The following GRIK3 variants were observed in gnomAD, a reference collection of about 807,000 sequenced individuals.
GRIK3 encodes glutamate ionotropic receptor kainate type subunit 3.
A neutral mutation model predicts 102.5 loss-of-function variants in GRIK3; 29 were observed. The ratio of observed to expected loss-of-function variants is 0.28; its 90% CI spans 0.21 to 0.39. GRIK3 has a LOEUF of 0.39. Among genes scored for constraint, GRIK3 ranks in the 10% least tolerant of loss-of-function variants. The pLI, the probability that GRIK3 is intolerant of heterozygous loss-of-function variation, is 1.00. For missense variants in GRIK3, 908 were observed against 1,252.4 expected, an observed-to-expected ratio of 0.73 and a Z score of 4.15; for synonymous variants, 511 against 504.9, an observed-to-expected ratio of 1.01 and a Z score of -0.16.
rs1557690962 is a variant in GRIK3 at position 36,817,067 on chromosome 1, A to G, written c.2084T>C (p.Phe695Ser). 1 of 1,610,744 alleles carries G rather than the reference A, an allele frequency of 6.2e-7. No individual in the cohort carries two copies. Among genetic ancestry groups the G allele is most frequent in the Non-Finnish European group, 8.5e-7 (1 of 1,176,950 alleles). ...GGAGGGAGAGGGCCTCACCTTGAAG[A>G]AGGTCATGGTGGCCCCATCCTTGAC... The part of the protein sequence containing the change: ...GAVKDGATMT[F>S]FKKSKISTFE... Residue 695 changes from phenylalanine to serine, a missense_variant, in exon 13 of 16, where the codon TTC becomes TCC. Phe to Ser is a radical substitution (Grantham distance 155). Around this residue, in one of 3 missense-constraint regions of GRIK3, gnomAD observed 297 missense variants for 362.7 expected, o/e 0.82. Transcript: ENST00000373091.
intron 1 of GRIK3, among the ~76,000 whole-genome samples, chr1:36,926,654 G>A (rs1641531211): frequency 6.6e-6 from 1 of 152,062 alleles, no homozygotes; most frequent in African/African-American, 2.4e-5. Context: ...CTCCCAAAGT[G>A]CTGGGATTAC....
intron 12 of GRIK3, among the ~76,000 whole-genome samples, chr1:36,818,116 T>A (rs921978971): frequency 1.3e-5 from 2 of 152,168 alleles, no homozygotes; most frequent in Non-Finnish European, 2.9e-5. Flanking sequence ...TGCTTTGATA[T>A]GATGTTTTTT....
intron 1 of GRIK3, among the ~76,000 whole-genome samples, chr1:36,976,400 A>C (rs1214732265): frequency 6.6e-6 from 1 of 152,196 alleles, no homozygotes; most frequent in East Asian, 1.9e-4. Context: ...TATCATTTTC[A>C]TCAGGTCTGA....
intron 1 of GRIK3, among the ~76,000 whole-genome samples, chr1:36,959,699 T>C (rs1378473298): frequency 9.3e-6 from 1 of 107,902 alleles, no homozygotes; most frequent in Non-Finnish European, 2.0e-5. Flanking sequence ...TCTGTGCCCC[T>C]TGAGCCTGTG....
chr1:36,932,017 C>G (rs1641596221), intron 1 of GRIK3, among the ~76,000 whole-genome samples: 2 of 152,176 alleles, frequency 1.3e-5, no homozygotes, highest in Admixed American at 1.3e-4. Context: ...TGACCTGAAG[C>G]TCACTGTGAC....
intron 1 of GRIK3, among the ~76,000 whole-genome samples, chr1:36,907,861 T>A (rs934030481): frequency 2.0e-5 from 3 of 152,092 alleles, no homozygotes; most frequent in Non-Finnish European, 2.9e-5. Flanking sequence ...GATTTGAATT[T>A]TGGTTCCACT....
At chr1:36,917,939 C>T (rs1365275170) in intron 1 of GRIK3, among the ~76,000 whole-genome samples, 5 of 152,198 alleles carry the variant, frequency 3.3e-5, no homozygotes, top group Non-Finnish European at 7.3e-5. Flanking sequence ...CACTCAGAAA[C>T]TCCAAGGAGG....
At chr1:36,885,268 G>A (rs1641025860) in intron 2 of GRIK3, among the ~76,000 whole-genome samples, 1 of 152,140 alleles carries the variant, frequency 6.6e-6, no homozygotes, top group African/African-American at 2.4e-5. Context: ...GATGAGAGAG[G>A]AGGTGATCAC....
At chr1:36,971,488 T>A (rs1642141148) in intron 1 of GRIK3, among the ~76,000 whole-genome samples, 1 of 152,176 alleles carries the variant, frequency 6.6e-6, no homozygotes, top group Admixed American at 6.5e-5. Context: ...CCCTTTTTAC[T>A]TAACACACTT....
chr1:37,025,650 G>A (rs1157594295), intron 1 of GRIK3, among the ~76,000 whole-genome samples: 2 of 152,184 alleles, frequency 1.3e-5, no homozygotes, highest in Non-Finnish European at 2.9e-5. Flanking sequence ...AGGCTTTGCA[G>A]AAGTCTCCCT....
At chr1:36,970,823 G>A (rs527286846) in intron 1 of GRIK3, among the ~76,000 whole-genome samples, 2 of 152,264 alleles carry the variant, frequency 1.3e-5, no homozygotes, top group South Asian at 4.1e-4. Flanking sequence ...ATTCCTCTTG[G>A]TTTTGTAATT....
At chr1:36,810,822 A>G (rs1642553083) in intron 13 of GRIK3, among the ~76,000 whole-genome samples, 1 of 152,220 alleles carries the variant, frequency 6.6e-6, no homozygotes, top group African/African-American at 2.4e-5. Context: ...TTTGGAGTCC[A>G]TGGCCTCTGC....
intron 1 of GRIK3, among the ~76,000 whole-genome samples, chr1:37,012,121 T>C (rs1441707221): frequency 1.3e-5 from 2 of 152,138 alleles, no homozygotes; most frequent in African/African-American, 4.8e-5. Context: ...GTTTTTGAAA[T>C]GGAAAAAGTG....
At chr1:36,884,861 C>A (rs1186537872) in intron 2 of GRIK3, among the ~76,000 whole-genome samples, 7 of 152,208 alleles carry the variant, frequency 4.6e-5, no homozygotes, top group African/African-American at 9.6e-5. Flanking sequence ...GGCTTCCCTG[C>A]CACTGCTACC....
intron 1 of GRIK3, among the ~76,000 whole-genome samples, chr1:36,944,564 G>A (rs1641762118): frequency 6.6e-6 from 1 of 152,214 alleles, no homozygotes; most frequent in African/African-American, 2.4e-5. Flanking sequence ...AGAGGCCAGA[G>A]CCAGATCAGA....
chr1:36,906,452 A>T (rs1337624588), intron 1 of GRIK3, among the ~76,000 whole-genome samples: 1 of 152,172 alleles, frequency 6.6e-6, no homozygotes, highest in Non-Finnish European at 1.5e-5. Context: ...CTTAATACAC[A>T]GTAGCTATCA....
chr1:36,977,658 G>A (rs957818343), intron 1 of GRIK3, among the ~76,000 whole-genome samples: 2 of 152,224 alleles, frequency 1.3e-5, no homozygotes, highest in Admixed American at 1.3e-4. Context: ...CAGTTTTCTG[G>A]GACCAGCTGG....
chr1:36,955,150 G>T (rs1641891083), intron 1 of GRIK3, among the ~76,000 whole-genome samples: 2 of 152,202 alleles, frequency 1.3e-5, no homozygotes, highest in Admixed American at 6.5e-5. Flanking sequence ...GATTTGCTGA[G>T]GCTCAGATGA....
At chr1:36,896,055 TAA>T (rs1641168532) in intron 1 of GRIK3, among the ~76,000 whole-genome samples, 1 of 152,052 alleles carries the variant, frequency 6.6e-6, no homozygotes, top group South Asian at 2.1e-4. Flanking sequence ...TGGAGAGAAA[TAA>T]AGACTTTCTC....
Sources: gnomAD v4.1 joint callset for allele counts (sites outside exome capture counted in the v4.1 genomes callset) on GRCh38, gnomAD v4.1.1 for gene constraint, gnomAD v4.1.1 regional missense constraint, MANE v1.5 for transcripts, NCBI Gene and HGNC (gene_info 2026-07-23, HGNC 2026-07-21) for gene names.